NRXN1: variants seen among roughly 807,000 people sequenced by gnomAD.
NRXN1 encodes neurexin-1.
NRXN1 carries 39 observed loss-of-function variants against 150.9 expected under a neutral mutation model. The ratio of observed to expected loss-of-function variants is 0.26; its 90% confidence interval spans 0.20 to 0.34. The LOEUF (loss-of-function observed/expected upper bound fraction) is 0.34, where lower values mean the gene tolerates loss of function less well. NRXN1 is among the 10% of genes least tolerant of loss of function. The probability of loss-of-function intolerance (pLI) is 1.00; values close to 1 mark genes in which losing one functional copy is unlikely to be tolerated. For missense variants in NRXN1, 1,815 were observed against 1,949.9 expected (o/e 0.93, Z 1.30); for synonymous variants, 924 against 757.0 (o/e 1.22, Z -3.62).
chr2:49,979,904 TG>T (rs753050786), intron 21 of NRXN1, among the ~76,000 whole-genome samples: 11,466 of 142,236 alleles, frequency 0.081, 619 homozygotes, highest in Middle Eastern at 0.17. Context: ...ATTGTTTTTT[TG>T]GTTTTTTTTT....
intron 5 of NRXN1, among the ~76,000 whole-genome samples, chr2:50,869,886 C>A (rs1007387183): frequency 2.0e-5 from 3 of 151,826 alleles, no homozygotes; most frequent in African/African-American, 4.8e-5. Context: ...TAATTAAATA[C>A]ATCATTCATT....
At chr2:50,200,131 T>C (rs1220023713) in intron 18 of NRXN1, among the ~76,000 whole-genome samples, 1 of 152,188 alleles carries the variant, frequency 6.6e-6, no homozygotes, top group African/African-American at 2.4e-5. Context: ...TATAAATATT[T>C]TGATTCAGCA....
intron 17 of NRXN1, among the ~76,000 whole-genome samples, chr2:50,296,784 T>C (rs2073624353): frequency 1.3e-5 from 2 of 151,774 alleles, no homozygotes; most frequent in African/African-American, 2.4e-5. Flanking sequence ...CACTTATAAG[T>C]GAGAACATGC....
intron 17 of NRXN1, among the ~76,000 whole-genome samples, chr2:50,456,620 GA>G (rs2087585853): frequency 1.3e-5 from 2 of 151,978 alleles, no homozygotes; most frequent in Non-Finnish European, 2.9e-5. Flanking sequence ...CTTATGACTT[GA>G]ATTATTCCTT....
chr2:49,965,397 G>C (rs1573096658), intron 21 of NRXN1, among the ~76,000 whole-genome samples: 1 of 151,906 alleles, frequency 6.6e-6, no homozygotes, highest in Admixed American at 6.6e-5. Flanking sequence ...CTCCCAAGTA[G>C]CTGGGTTTAC....
intron 12 of NRXN1, among the ~76,000 whole-genome samples, chr2:50,522,898 G>GTTTT (rs3052535): frequency 6.7e-6 from 1 of 150,154 alleles, no homozygotes; most frequent in African/African-American, 2.5e-5. Flanking sequence ...TGCCCTGCTA[G>GTTTT]TTTTTTTGTA....
At chr2:50,426,786 A>G (rs2084532530) in intron 17 of NRXN1, among the ~76,000 whole-genome samples, 1 of 152,188 alleles carries the variant, frequency 6.6e-6, no homozygotes, top group Admixed American at 6.5e-5. Flanking sequence ...TCTATGGTAT[A>G]ATACATTTCA....
rs888725255 is a variant in NRXN1 at position 50,996,642 on chromosome 2, C to T, written c.772+30860G>A. Reference sequence around the variant, plus strand: ...CCTTCAGGATTCTAGAGCTACAAGACGAAAAGCTTAGACTTCCACCAGGGA... The same window carrying T: ...CCTTCAGGATTCTAGAGCTACAAGATGAAAAGCTTAGACTTCCACCAGGGA... On this transcript the variant is annotated intron_variant, in intron 2 of 22. Coordinates refer to ENST00000401669, the MANE Select transcript of NRXN1 (RefSeq NM_001330078.2). Among the ~76,000 whole-genome samples, 7 of 151,924 alleles carry T rather than the reference C, an allele frequency of 4.6e-5. No individual in the cohort carries two copies. The East Asian group carries it at 5.8e-4, about 13-fold the overall frequency.
intron 5 of NRXN1, among the ~76,000 whole-genome samples, chr2:50,844,937 T>TCGA (rs1420864481): frequency 6.6e-6 from 1 of 152,072 alleles, no homozygotes; most frequent in Non-Finnish European, 1.5e-5. Flanking sequence ...CATTGCAGTC[T>TCGA]CGACTTGCCA....
At chr2:50,189,457 A>G (rs2061315527) in intron 18 of NRXN1, among the ~76,000 whole-genome samples, 1 of 152,192 alleles carries the variant, frequency 6.6e-6, no homozygotes, top group Non-Finnish European at 1.5e-5. Flanking sequence ...TGGCACACGT[A>G]TACTTATGTA....
At chr2:50,163,640 T>A (rs772382784) in intron 18 of NRXN1, among the ~76,000 whole-genome samples, 1 of 152,186 alleles carries the variant, frequency 6.6e-6, no homozygotes, top group Non-Finnish European at 1.5e-5. Context: ...TAAGCACTCC[T>A]CTAAAGTTCT....
Position 50,876,320 on chromosome 2 carries a change from G to A in NRXN1, c.832+45549C>T, listed in dbSNP as rs148647044. On this transcript the variant is annotated intron_variant, in intron 5 of 22. Coordinates refer to ENST00000401669, the MANE Select transcript of NRXN1 (RefSeq NM_001330078.2). ...CAAAACTCTGTGACACCATTATCAT[G>A]ATGAAAAATTCCACTTAGGAAGTCA... 4.1e-3 allele frequency among the ~76,000 whole-genome samples: 626 copies of A among 151,486 alleles called. 6 individuals carry two copies. The highest frequency in any genetic ancestry group is 0.014 in the African/African-American group (588 of 41,382).
At position 49,922,220 on chromosome 2, in the gene NRXN1, C is replaced by T. The variant is rs151195816; in HGVS notation, c.4248G>A (p.Pro1416=). The T allele has an allele frequency of 1.7e-4, 267 of 1,614,114 alleles. No individual in the cohort carries two copies. Among genetic ancestry groups the T allele is most frequent in the Non-Finnish European group, 2.1e-4 (246 of 1,179,994 alleles). Residue 1416 remains proline, a synonymous_variant, in exon 23 of 23, where the codon CCG becomes CCA. Coordinates refer to ENST00000401669, the MANE Select transcript of NRXN1 (RefSeq NM_001330078.2). Reference sequence around the variant, plus strand: ...GGATCACTTCTGCTGAGCCTGGATACGGCTCTCTGCCGCCTGCTCGGGTTG... The same window carrying T: ...GGATCACTTCTGCTGAGCCTGGATATGGCTCTCTGCCGCCTGCTCGGGTTG... The part of the protein sequence containing the change: ...ANPTRAGGRE[P]YPGSAEVIRE...
chr2:50,091,594 A>G (rs1699586719), intron 18 of NRXN1, 100 bp from the exon 19 acceptor site: 28 of 1,239,510 alleles, frequency 2.3e-5, no homozygotes, highest in African/African-American at 3.0e-5. Context: ...GCTTTGGACA[A>G]CAGCTGCTTT....
At chr2:51,020,681 G>A (rs1354416124) in intron 2 of NRXN1, among the ~76,000 whole-genome samples, 2 of 151,906 alleles carry the variant, frequency 1.3e-5, no homozygotes, top group East Asian at 3.9e-4. Flanking sequence ...AGTCTGATTA[G>A]GTGGTTTCCC....
intron 18 of NRXN1, among the ~76,000 whole-genome samples, chr2:50,211,019 A>G (rs1356746849): frequency 1.3e-5 from 2 of 151,894 alleles, no homozygotes; most frequent in Admixed American, 6.6e-5. Flanking sequence ...GTTCTATTAA[A>G]GAGAAAGCTT....
intron 5 of NRXN1, among the ~76,000 whole-genome samples, chr2:50,807,794 G>A (rs10490177): frequency 6.6e-6 from 1 of 152,030 alleles, no homozygotes; most frequent in Non-Finnish European, 1.5e-5. Context: ...ACAAAAGAAA[G>A]TAATCTTCTT....
chr2:50,478,672 G>A (rs1050691675), intron 15 of NRXN1, among the ~76,000 whole-genome samples: 14 of 152,050 alleles, frequency 9.2e-5, no homozygotes, highest in East Asian at 7.7e-4. Flanking sequence ...ATCTTTAGGC[G>A]TGTCCTGAAT....
rs569967569 is a variant in NRXN1 at position 50,110,174 on chromosome 2, T to C, written c.3547-18680A>G. Among the ~76,000 whole-genome samples the C allele has an allele frequency of 3.9e-5, 6 of 152,210 alleles. No individual in the cohort carries two copies. In the South Asian group the frequency reaches 1.0e-3, roughly 26 times the overall value. ...TAGCCATAACCAAGAGAACATCAGC[T>C]ATCCCTCCCTCCTCACTTAGAAATA... On this transcript the variant is annotated intron_variant, in intron 18 of 22. Coordinates refer to ENST00000401669, the MANE Select transcript of NRXN1 (RefSeq NM_001330078.2).
Sources: allele counts gnomAD v4.1 joint callset (sites outside exome capture counted in the v4.1 genomes callset), GRCh38; gene constraint gnomAD v4.1.1; transcripts MANE v1.5; gene names NCBI Gene and HGNC (gene_info 2026-07-23, HGNC 2026-07-21).